ZNF160: variants seen among roughly 807,000 people sequenced by gnomAD.
ZNF160 encodes the protein KRAB zinc finger protein KR18.
Under a neutral mutation model 13.1 loss-of-function variants are expected in ZNF160, and 9 were observed. The observed-to-expected ratio is 0.69, with a 90% CI of 0.41 to 1.20. ZNF160 has a LOEUF of 1.20. ZNF160 is among the 50% of genes most tolerant of loss of function. ZNF160 has a pLI of 0.01. For missense variants in ZNF160, 838 were observed against 988.0 expected (o/e 0.85, Z 2.04); for synonymous variants, 293 against 333.2 (o/e 0.88, Z 1.31).
At chr19:53,090,843 G>A (rs1030171351) in intron 2 of ZNF160, among the ~76,000 whole-genome samples, 5 of 152,186 alleles carry the variant, frequency 3.3e-5, no homozygotes, top group Non-Finnish European at 5.9e-5. Context: ...AATGCACCTC[G>A]CGGGTGAGGA....
chr19:53,077,720 G>A (rs535699221), intron 3 of ZNF160, among the ~76,000 whole-genome samples: 1 of 147,778 alleles, frequency 6.8e-6, no homozygotes, highest in South Asian at 2.2e-4. Flanking sequence ...ACCATATGCA[G>A]CAACATATTA....
At position 53,069,166 on chromosome 19, in the gene ZNF160, A is replaced by G. The variant is rs767252413; in HGVS notation, c.1368T>C (p.Asn456=). Residue 456 remains asparagine, a synonymous_variant, in exon 6 of 6, where the codon AAT becomes AAC. Coordinates refer to ENST00000683776, the MANE Select transcript of ZNF160 (RefSeq NM_001322131.2). This position sits in a 1 kb window ranked among gnomAD's most constrained non-coding sequence, Gnocchi z 4.4. The part of the protein sequence containing the change: ...VHTGEKPYKC[N]ECGKAFSMHS... ...GCATACTGAAGGCTTTGCCACATTC[A>G]TTACACTTGTAAGGTTTCTCACCAG... is the stretch of plus-strand genomic sequence containing the variant. 120 of 1,614,052 alleles carry G rather than the reference A, an allele frequency of 7.4e-5. No homozygotes were observed. The highest frequency in any genetic ancestry group is 9.5e-5 in the Non-Finnish European group (112 of 1,180,006).
At chr19:53,094,808 T>C (rs1276887548) in intron 1 of ZNF160, among the ~76,000 whole-genome samples, 2 of 152,174 alleles carry the variant, frequency 1.3e-5, no homozygotes, top group Admixed American at 1.3e-4. Context: ...TGAAACTTTA[T>C]TTTAGCAGTG....
chr19:53,094,432 A>C (rs1170797188), intron 1 of ZNF160, among the ~76,000 whole-genome samples: 2 of 152,164 alleles, frequency 1.3e-5, no homozygotes, highest in African/African-American at 2.4e-5. Flanking sequence ...CGGATTAATT[A>C]AACGGTTCTA....
At position 53,068,557 on chromosome 19, in the gene ZNF160, A is replaced by G. The variant is rs773453600; in HGVS notation, c.1977T>C (p.Ser659=). ...YKCNECGKAF[S]MHSNLTTHKV... ...TATGGGTAGTTAGGTTTGAATGCAT[A>G]CTAAAGGCTTTCCCACACTCATTAC... The change falls in exon 6 of 6, where the codon AGT becomes AGC. Residue 659 remains serine (S), a synonymous_variant. Transcript: ENST00000683776. The G allele has an allele frequency of 2.5e-6, 4 of 1,613,022 alleles. No homozygotes were observed. The East Asian group carries it at 8.9e-5, about 36-fold the overall frequency.
At chr19:53,071,981 T>C (rs1204488870) in intron 5 of ZNF160, among the ~76,000 whole-genome samples, 2 of 152,152 alleles carry the variant, frequency 1.3e-5, no homozygotes, top group Non-Finnish European at 2.9e-5. Flanking sequence ...AAAATGAACA[T>C]TCAATAAAAC....
intron 2 of ZNF160, among the ~76,000 whole-genome samples, chr19:53,087,255 C>T (rs2084871866): frequency 2.0e-5 from 3 of 152,134 alleles, no homozygotes; most frequent in Non-Finnish European, 4.4e-5. Flanking sequence ...AAGGAGATGG[C>T]GTCTGAGAGG....
chr19:53,084,766 G>T (rs2084765480), intron 3 of ZNF160, among the ~76,000 whole-genome samples: 1 of 152,116 alleles, frequency 6.6e-6, no homozygotes. Flanking sequence ...TAATGAGGGG[G>T]AAATCTGACG....
rs545483384 is a variant in ZNF160, at chr19:53,103,049, G to C, written c.-354+216C>G. Among the ~76,000 whole-genome samples, 170 of 152,298 alleles carry C rather than the reference G, an allele frequency of 1.1e-3. 1 individual carries two copies. The highest frequency in any genetic ancestry group is 2.6e-3 in the Admixed American group (40 of 15,310). The stretch of plus-strand genomic sequence containing the variant: ...GCCGACGAGAGCGAGGCTGGGAGGC[G>C]CCCAGGGCAGGCGGTGAGGACTTTA... On this transcript the variant is annotated intron_variant, in intron 1 of 5. Transcript: ENST00000683776.
rs2145428164 is a variant in ZNF160 at position 53,068,663 on chromosome 19, T to A, written c.1871A>T (p.His624Leu). 1 of 1,613,890 alleles carries A rather than the reference T, an allele frequency of 6.2e-7. No individual in the cohort carries two copies. The highest frequency in any genetic ancestry group is 2.2e-5 in the East Asian group (1 of 44,862). ...IHTGEKPYKC[H>L]ECGKVFRHNS... ...GTGCCTAAAAACCTTGCCGCATTCA[T>A]GACATTTGTAAGGTTTCTCTCCAGT... is the stretch of plus-strand genomic sequence containing the variant. The change falls in exon 6 of 6, where the codon CAT becomes CTT. Residue 624 changes from histidine (H) to leucine (L), a missense_variant. Coordinates refer to ENST00000683776, the MANE Select transcript of ZNF160 (RefSeq NM_001322131.2).
chr19:53,092,614 G>A (rs1328245590), intron 1 of ZNF160, among the ~76,000 whole-genome samples: 1 of 152,030 alleles, frequency 6.6e-6, no homozygotes, highest in Non-Finnish European at 1.5e-5. Flanking sequence ...ATGCTGGCTG[G>A]ATATTCTCCT....
At chr19:53,085,361 G>C (rs577821303) in intron 3 of ZNF160, 3 of 256,106 alleles carry the variant, frequency 1.2e-5, no homozygotes, top group South Asian at 1.5e-4. Flanking sequence ...ACAGAATTGA[G>C]AACAGTGGCT....
At chr19:53,071,941 T>C (rs2084192422) in intron 5 of ZNF160, among the ~76,000 whole-genome samples, 1 of 152,086 alleles carries the variant, frequency 6.6e-6, no homozygotes, top group African/African-American at 2.4e-5. Flanking sequence ...AAGCGGGAAT[T>C]TTGAACTGCA....
At chr19:53,073,847 A>G (rs2084276831) in intron 5 of ZNF160, among the ~76,000 whole-genome samples, 2 of 152,070 alleles carry the variant, frequency 1.3e-5, no homozygotes, top group South Asian at 4.1e-4. Flanking sequence ...GTGCAGTGGC[A>G]TGATCTTGGC....
At chr19:53,076,191 A>G (rs540105059) in intron 3 of ZNF160, among the ~76,000 whole-genome samples, 3 of 152,230 alleles carry the variant, frequency 2.0e-5, no homozygotes, top group Non-Finnish European at 4.4e-5. Context: ...GATATCCTCT[A>G]TATCAGTGTC....
At chr19:53,100,647 TA>T (rs113144791) in intron 1 of ZNF160, among the ~76,000 whole-genome samples, 29 of 146,616 alleles carry the variant, frequency 2.0e-4, no homozygotes, top group South Asian at 1.7e-3. Flanking sequence ...ATGTTAACGT[TA>T]AAAAAAAAAG....
At chr19:53,102,265 T>G (rs1164919378) in intron 1 of ZNF160, among the ~76,000 whole-genome samples, 1 of 152,152 alleles carries the variant, frequency 6.6e-6, no homozygotes, top group East Asian at 1.9e-4. Context: ...CTGCTCTCCC[T>G]GTTAAATCCC....
At chr19:53,078,948 A>G (rs551150258) in intron 3 of ZNF160, among the ~76,000 whole-genome samples, 24 of 152,224 alleles carry the variant, frequency 1.6e-4, no homozygotes, top group Non-Finnish European at 3.1e-4. Context: ...AAACAATTGT[A>G]TGATACCACC....
At chr19:53,082,807 T>C (rs1420519452) in intron 3 of ZNF160, among the ~76,000 whole-genome samples, 1 of 152,208 alleles carries the variant, frequency 6.6e-6, no homozygotes, top group African/African-American at 2.4e-5. Flanking sequence ...TACCTGGAGA[T>C]AGTGGCAAAT....
Sources: allele counts gnomAD v4.1 joint callset (sites outside exome capture counted in the v4.1 genomes callset), GRCh38; gene constraint gnomAD v4.1.1; non-coding constraint Gnocchi (gnomAD v3.1); transcripts MANE v1.5; gene names NCBI Gene and HGNC (gene_info 2026-07-23, HGNC 2026-07-21).